Variants in CR1L observed in about 807,000 individuals in gnomAD.
CR1L encodes complement component receptor 1-like protein.
Under a neutral mutation model 62.3 loss-of-function variants are expected in CR1L, and 59 were observed. That is an observed-to-expected ratio of 0.95 (90% CI 0.77 to 1.18). The LOEUF (loss-of-function observed/expected upper bound fraction) is 1.18. CR1L is among the 50% of genes most tolerant of loss of function. The pLI, the probability that CR1L is intolerant of heterozygous loss-of-function variation, is 0.00. For synonymous variants in CR1L, 279 were observed against 248.7 expected, an observed-to-expected ratio of 1.12 and a Z score of -1.15; for missense variants, 700 against 702.8, an observed-to-expected ratio of 1.00 and a Z score of 0.04.
intron 1 of CR1L, among the ~76,000 whole-genome samples, chr1:207,655,739 G>A (rs553361410): frequency 2.0e-5 from 3 of 152,232 alleles, no homozygotes; most frequent in South Asian, 2.1e-4. Context: ...CACCTGGCCT[G>A]ATTAATTTGT....
rs1160342931 is a variant in CR1L, at chr1:207,674,864, G to GT, written c.98-2514dup. 2.3e-3 allele frequency among the ~76,000 whole-genome samples: 339 copies of GT among 148,692 alleles called. 2 individuals are homozygous for GT. Among genetic ancestry groups the GT allele is most frequent in the African/African-American group, 4.3e-3 (174 of 40,698 alleles). On this transcript the variant is annotated intron_variant, in intron 1 of 11. Transcript: ENST00000508064. ...AAAGTCACGGAACTGTTTTATTCGT[G>GT]TTTTTTTTTTTATACAGTGGTTCTC...
chr1:207,717,702 G>T lies in CR1L; in HGVS notation c.1642+11G>T, dbSNP rs189312303. 1.2e-6 allele frequency: 2 copies of T among 1,613,694 alleles called. No homozygotes were observed. Among genetic ancestry groups the T allele is most frequent in the Admixed American group, 3.3e-5 (2 of 60,012 alleles). ...TTCCTGTTGGTGCTGGTCAGTATCCGCTTCCACATATCCTAAATGGGTTCA... is the reference window on the plus strand; with the variant it reads ...TTCCTGTTGGTGCTGGTCAGTATCCTCTTCCACATATCCTAAATGGGTTCA... On this transcript the variant is annotated intron_variant, in intron 11 of 11. Transcript: ENST00000508064.
At chr1:207,689,067 GA>G in intron 4 of CR1L, among the ~76,000 whole-genome samples, 1 of 152,184 alleles carries the variant, frequency 6.6e-6, no homozygotes, top group African/African-American at 2.4e-5. Flanking sequence ...TAGAAGAGAT[GA>G]TACAAGCCTT....
chr1:207,708,611 C>T (rs543365517), intron 10 of CR1L, among the ~76,000 whole-genome samples: 22 of 152,346 alleles, frequency 1.4e-4, no homozygotes, highest in African/African-American at 5.3e-4. Flanking sequence ...ATCCTCTCTG[C>T]AAGCTGTTAG....
intron 4 of CR1L, among the ~76,000 whole-genome samples, chr1:207,688,734 T>C (rs1261187561): frequency 6.6e-6 from 1 of 152,168 alleles, no homozygotes; most frequent in Non-Finnish European, 1.5e-5. Flanking sequence ...ATTTTTGAAG[T>C]CTTCTTTAAT....
intron 10 of CR1L, among the ~76,000 whole-genome samples, chr1:207,713,833 G>A (rs1453405319): frequency 6.6e-6 from 1 of 152,244 alleles, no homozygotes; most frequent in African/African-American, 2.4e-5. Context: ...ACAGATGGCG[G>A]TGTGTTAACA....
intron 1 of CR1L, among the ~76,000 whole-genome samples, chr1:207,666,178 GCACTGGAAACAATTGACT>G (rs1362771285): frequency 2.6e-5 from 4 of 152,246 alleles, no homozygotes; most frequent in Admixed American, 2.0e-4. Flanking sequence ...TCCAACTCCA[GCACTGGAAACAATTGACT>G]CCTGTCTCTA....
chr1:207,679,336 C>T (rs1219110906), intron 3 of CR1L, among the ~76,000 whole-genome samples: 1 of 151,878 alleles, frequency 6.6e-6, no homozygotes, highest in Non-Finnish European at 1.5e-5. Flanking sequence ...GGACACCAGT[C>T]ATATTGGATT....
At chr1:207,690,208 T>G (rs1305112735) in intron 4 of CR1L, among the ~76,000 whole-genome samples, 1 of 152,164 alleles carries the variant, frequency 6.6e-6, no homozygotes, top group Non-Finnish European at 1.5e-5. Flanking sequence ...TCAACCTTTA[T>G]TTTTCTAATA....
At chr1:207,696,528 C>T (rs1006226399) in intron 5 of CR1L, among the ~76,000 whole-genome samples, 3 of 152,186 alleles carry the variant, frequency 2.0e-5, no homozygotes, top group African/African-American at 4.8e-5. Context: ...CTCAATATTA[C>T]ATCACCAGGC....
In CR1L at chr1:207,656,160, C is replaced by G. The variant is rs867735125; in HGVS notation, c.97+10830C>G. Among the ~76,000 whole-genome samples, 6 of 152,160 alleles carry G rather than the reference C, an allele frequency of 3.9e-5. No individual in the cohort carries two copies. The South Asian group carries it at 1.2e-3, about 31-fold the overall frequency. On this transcript the variant is annotated intron_variant, in intron 1 of 11. Coordinates refer to ENST00000508064, the MANE Select transcript of CR1L (RefSeq NM_175710.2). ...GGCTGAGGCAGGAGAATGGCGTGAA[C>G]CCGGGAGGCGGAGCTTGCAGCGAGC... is the stretch of plus-strand genomic sequence containing the variant.
chr1:207,707,785 T>TACACAC (rs10523807), intron 9 of CR1L, among the ~76,000 whole-genome samples: 3,120 of 126,746 alleles, frequency 0.025, 63 homozygotes, highest in African/African-American at 0.051. Flanking sequence ...GGCATAGTAT[T>TACACAC]ACACACACAC....
intron 5 of CR1L, among the ~76,000 whole-genome samples, chr1:207,695,577 C>T (rs755705741): frequency 6.6e-6 from 1 of 152,164 alleles, no homozygotes; most frequent in East Asian, 1.9e-4. Flanking sequence ...TCAAAACTTA[C>T]TCTAGATACT....
At chr1:207,658,158 A>G (rs1663347427) in intron 1 of CR1L, among the ~76,000 whole-genome samples, 1 of 152,234 alleles carries the variant, frequency 6.6e-6, no homozygotes, top group Non-Finnish European at 1.5e-5. Flanking sequence ...ATAGCATAAC[A>G]TACTTACGTT....
intron 11 of CR1L, among the ~76,000 whole-genome samples, chr1:207,718,738 A>G (rs1049051374): frequency 6.6e-6 from 1 of 152,180 alleles, no homozygotes; most frequent in Non-Finnish European, 1.5e-5. Context: ...CCTGTTGGCT[A>G]ATTGGACTTA....
chr1:207,713,539 C>T lies in CR1L; in HGVS notation c.1415-3925C>T, dbSNP rs185667162. ...GGAGACACCTCATCTACTTGGCCCACCCAGGCCGTGCCAGGCTTGTGCTCT... is the reference window on the plus strand; with the variant it reads ...GGAGACACCTCATCTACTTGGCCCATCCAGGCCGTGCCAGGCTTGTGCTCT... On this transcript the variant is annotated intron_variant, in intron 10 of 11. Coordinates refer to ENST00000508064, the MANE Select transcript of CR1L (RefSeq NM_175710.2). Among the ~76,000 whole-genome samples the T allele has an allele frequency of 1.5e-3, 231 of 152,360 alleles. 3 individuals are homozygous for T. The highest frequency in any genetic ancestry group is 5.3e-3 in the African/African-American group (219 of 41,586).
At chr1:207,719,896 A>G (rs995133118) in intron 11 of CR1L, among the ~76,000 whole-genome samples, 5 of 152,240 alleles carry the variant, frequency 3.3e-5, no homozygotes, top group African/African-American at 9.6e-5. Flanking sequence ...CAGCCAAGCA[A>G]TCTACTTATC....
At chr1:207,663,060 G>A (rs1187455177) in intron 1 of CR1L, among the ~76,000 whole-genome samples, 1 of 152,196 alleles carries the variant, frequency 6.6e-6, no homozygotes, top group Non-Finnish European at 1.5e-5. Flanking sequence ...CCCCTACTGG[G>A]GGGTGCCTCC....
rs1322834388 is a variant in CR1L, at chr1:207,673,289, T to G, written c.98-4100T>G. 2.0e-5 allele frequency among the ~76,000 whole-genome samples: 3 copies of G among 151,302 alleles called. No individual in the cohort carries two copies. In the East Asian group the frequency reaches 5.8e-4, roughly 29 times the overall value. ...AATGTTTATTTTATCTGTTTTACAT[T>G]TCAAAAATTTATATTTAGGCATATA... is the stretch of plus-strand genomic sequence containing the variant. On this transcript the variant is annotated intron_variant, in intron 1 of 11. Transcript: ENST00000508064.
Sources: allele counts gnomAD v4.1 joint callset (sites outside exome capture counted in the v4.1 genomes callset), GRCh38; gene constraint gnomAD v4.1.1; transcripts MANE v1.5; gene names NCBI Gene and HGNC (gene_info 2026-07-23, HGNC 2026-07-21).